The following KIF13B variants were observed in gnomAD, a reference collection of about 807,000 sequenced individuals.
KIF13B encodes kinesin family member 13B.
Under a neutral mutation model 222.0 loss-of-function variants are expected in KIF13B, and 127 were observed. That is an observed-to-expected ratio of 0.57 (90% CI 0.50 to 0.66). The LOEUF (loss-of-function observed/expected upper bound fraction) is 0.66. KIF13B is among the 30% of genes least tolerant of loss of function. The pLI is 0.00. For missense variants in KIF13B, 2,173 were observed against 2,379.0 expected, an observed-to-expected ratio of 0.91 and a Z score of 1.80; for synonymous variants, 976 against 919.0, an observed-to-expected ratio of 1.06 and a Z score of -1.12.
Position 29,107,849 on chromosome 8 carries a change from T to C in KIF13B, c.4215+290A>G, listed in dbSNP as rs191708480. On this transcript the variant is annotated intron_variant, in intron 35 of 39. Coordinates refer to ENST00000524189, the MANE Select transcript of KIF13B (RefSeq NM_015254.4). Reference sequence around the variant, plus strand: ...TGCTGGGATTACATACGTGAGCCACTGCGCCCAGCCTGAAGTTTCTTTTCT... The same window carrying C: ...TGCTGGGATTACATACGTGAGCCACCGCGCCCAGCCTGAAGTTTCTTTTCT... Among the ~76,000 whole-genome samples the C allele has an allele frequency of 2.2e-3, 339 of 152,324 alleles. 2 individuals are homozygous for C. Among genetic ancestry groups the C allele is most frequent in the Non-Finnish European group, 2.9e-3 (194 of 68,036 alleles).
At chr8:29,073,182 TCCCTGTGGGCCGTGG>T (rs1186787642) in intron 38 of KIF13B, among the ~76,000 whole-genome samples, 1 of 146,798 alleles carries the variant, frequency 6.8e-6, no homozygotes, top group Non-Finnish European at 1.5e-5. Flanking sequence ...GGACAAAGGC[TCCCTGTGGGCCGTGG>T]CCCTTTCTCT....
rs186397410 is a variant in KIF13B at position 29,148,908 on chromosome 8, C to T, written c.1623-141G>A. 1.4e-5 allele frequency: 9 copies of T among 624,256 alleles called. No individual in the cohort carries two copies. In the Admixed American group the frequency reaches 2.8e-4, roughly 19 times the overall value. 38.7% of individuals were successfully genotyped at this position (624,256 alleles called of 1,614,324 possible). On this transcript the variant is annotated intron_variant, in intron 15 of 39. Coordinates refer to ENST00000524189, the MANE Select transcript of KIF13B (RefSeq NM_015254.4). ...TTACTGTACTCAGGAAGTTGATAAT[C>T]TTGTCGTAGAAATAAGACACTCATG... is the stretch of plus-strand genomic sequence containing the variant.
intron 13 of KIF13B, among the ~76,000 whole-genome samples, chr8:29,156,772 C>T (rs905706323): frequency 2.0e-5 from 3 of 151,526 alleles, no homozygotes; most frequent in African/African-American, 7.3e-5. Flanking sequence ...CCTTCCACTT[C>T]ACCCTCCTGA....
intron 3 of KIF13B, among the ~76,000 whole-genome samples, chr8:29,192,554 T>C (rs1403608785): frequency 6.6e-6 from 1 of 152,314 alleles, no homozygotes; most frequent in African/African-American, 2.4e-5. Context: ...CCAGTCTAAA[T>C]TTGTTTTTGA....
In KIF13B at chr8:29,177,473, T is replaced by G; in HGVS notation, c.826A>C (p.Ile276Leu). 1 of 1,601,872 alleles carries G rather than the reference T, an allele frequency of 6.2e-7. No homozygotes were observed. Among genetic ancestry groups the G allele is most frequent in the East Asian group, 2.2e-5 (1 of 44,860 alleles). Residue 276 changes from isoleucine to leucine, a missense_variant, in exon 9 of 40, where the codon ATT (isoleucine) becomes CTT (leucine). Transcript: ENST00000524189. ...AGCTTTGAGAGCACTTACTTGTTAATGTTGCTCCCTTCCTTCAGCCTGTCC... is the reference window on the plus strand; with the variant it reads ...AGCTTTGAGAGCACTTACTTGTTAAGGTTGCTCCCTTCCTTCAGCCTGTCC... ...AGDRLKEGSN[I>L]NKSLTTLGLV...
At chr8:29,188,472 T>C (rs1373436227) in intron 5 of KIF13B, 43 bp downstream of exon 5, 1 of 1,200,044 alleles carries the variant, frequency 8.3e-7, no homozygotes, top group Non-Finnish European at 1.2e-6. Context: ...CTATTTTCTT[T>C]CATTGATGGT....
At chr8:29,257,716 A>G (rs946932151) in intron 1 of KIF13B, among the ~76,000 whole-genome samples, 4 of 152,240 alleles carry the variant, frequency 2.6e-5, no homozygotes, top group Non-Finnish European at 5.9e-5. Flanking sequence ...TGCAGCAGGA[A>G]TATCGCTAGA....
intron 14 of KIF13B, among the ~76,000 whole-genome samples, chr8:29,151,160 C>T (rs920213576): frequency 6.6e-6 from 1 of 152,152 alleles, no homozygotes; most frequent in Non-Finnish European, 1.5e-5. Flanking sequence ...GAAAATCAAC[C>T]CAGCCACAAT....
chr8:29,094,292 T>A (rs1808424664), intron 36 of KIF13B, among the ~76,000 whole-genome samples: 3 of 152,096 alleles, frequency 2.0e-5, no homozygotes, highest in Admixed American at 1.3e-4. Flanking sequence ...ACAGGAAAAG[T>A]AAGAATGAAC....
chr8:29,084,206 G>A (rs894531522), intron 37 of KIF13B, among the ~76,000 whole-genome samples: 8 of 152,104 alleles, frequency 5.3e-5, no homozygotes, highest in African/African-American at 1.7e-4. Context: ...GTGAGCCACC[G>A]CACCCGACCG....
At chr8:29,122,771 T>C (rs545943275) in intron 28 of KIF13B, 125 bp from the exon 29 acceptor site, 88 of 725,520 alleles carry the variant, frequency 1.2e-4, no homozygotes, top group South Asian at 1.0e-3. Context: ...CTGGCCCTGA[T>C]TTTACTCTAA....
At chr8:29,084,070 A>G (rs1301827220) in intron 37 of KIF13B, among the ~76,000 whole-genome samples, 1 of 152,014 alleles carries the variant, frequency 6.6e-6, no homozygotes, top group Non-Finnish European at 1.5e-5. Context: ...GCCCACCACC[A>G]CGCCCAGCTA....
rs983008837 is a variant in KIF13B at position 29,155,845 on chromosome 8, C to A, written c.1416G>T (p.Leu472Phe). Reference sequence around the variant, plus strand: ...TATCTTGGGAATTTGCTGACCCTATCAATGTATGTTCCTAAGAAAAAACCA... The same window carrying A: ...TATCTTGGGAATTTGCTGACCCTATAAATGTATGTTCCTAAGAAAAAACCA... ...LLVYYLKEHT[L>F]IGSANSQDIQ... Residue 472 changes from leucine to phenylalanine, a missense_variant, in exon 14 of 40, where the codon TTG (leucine) becomes TTT (phenylalanine). Physicochemically the swap from Leu to Phe is conservative, Grantham distance 22. Transcript: ENST00000524189. The A allele has an allele frequency of 1.9e-6, 3 of 1,575,722 alleles. No individual in the cohort carries two copies. Among genetic ancestry groups the A allele is most frequent in the Non-Finnish European group, 2.6e-6 (3 of 1,158,384 alleles).
chr8:29,082,039 CT>C (rs1251063441), intron 37 of KIF13B, among the ~76,000 whole-genome samples: 2 of 152,134 alleles, frequency 1.3e-5, no homozygotes, highest in African/African-American at 4.8e-5. Context: ...AACAAAGAAC[CT>C]AAGATTTCAT....
intron 34 of KIF13B, 36 bp downstream of exon 34, chr8:29,109,398 C>G (rs958319195): frequency 6.6e-7 from 1 of 1,514,120 alleles, no homozygotes; most frequent in African/African-American, 1.4e-5. Flanking sequence ...GAGAGAAGTC[C>G]CAGGCACAGC....
intron 29 of KIF13B, among the ~76,000 whole-genome samples, chr8:29,120,166 GTTTTTTTT>G (rs57731633): frequency 2.0e-5 from 2 of 102,378 alleles, no homozygotes; most frequent in African/African-American, 3.5e-5. Flanking sequence ...AAAAATGACA[GTTTTTTTT>G]TTTTTTTTTT....
Position 29,150,337 on chromosome 8 carries a change from G to T in KIF13B, c.1582C>A (p.His528Asn). 2 of 1,595,636 alleles carry T rather than the reference G, an allele frequency of 1.3e-6. No individual in the cohort carries two copies. The highest frequency in any genetic ancestry group is 2.2e-5 in the East Asian group (1 of 44,716). ...SSVSSPIQLH[H>N]GDRILWGNNH... is the part of the protein sequence containing the mutation. ...TTTCCCCATAATATCCTGTCCCCATGGTGTAGCTGTATTGGACTGGAGACA... is the reference window on the plus strand; with the variant it reads ...TTTCCCCATAATATCCTGTCCCCATTGTGTAGCTGTATTGGACTGGAGACA... Residue 528 changes from histidine (H) to asparagine (N), a missense_variant, in exon 15 of 40, where the codon CAT becomes AAT. Around this residue, in one of 2 missense-constraint regions of KIF13B, gnomAD observed 1,480 missense variants for 1,722.8 expected, o/e 0.86. Coordinates refer to ENST00000524189, the MANE Select transcript of KIF13B (RefSeq NM_015254.4).
intron 35 of KIF13B, among the ~76,000 whole-genome samples, chr8:29,099,663 T>C (rs113553831): frequency 7.9e-4 from 120 of 152,304 alleles, no homozygotes; most frequent in African/African-American, 2.7e-3. Flanking sequence ...TGAGCCACCA[T>C]GCCCGATCAG....
At position 29,209,218 on chromosome 8, in the gene KIF13B, G is replaced by A. The variant is rs541686696; in HGVS notation, c.150-13019C>T. ...GAAAACCAGATGAGAGGCACCACTG[G>A]GAGGTGAGAGTTTGGATAGAGAAGG... is the stretch of plus-strand genomic sequence containing the variant. On this transcript the variant is annotated intron_variant, in intron 2 of 39. Coordinates refer to ENST00000524189, the MANE Select transcript of KIF13B (RefSeq NM_015254.4). Among the ~76,000 whole-genome samples, 86 of 152,304 alleles carry A rather than the reference G, an allele frequency of 5.6e-4. 1 individual carries two copies. Among genetic ancestry groups the A allele is most frequent in the Admixed American group, 4.5e-3 (69 of 15,290 alleles).
Sources: gnomAD v4.1 joint callset for allele counts (sites outside exome capture counted in the v4.1 genomes callset) on GRCh38, gnomAD v4.1.1 for gene constraint, gnomAD v4.1.1 regional missense constraint, MANE v1.5 for transcripts, NCBI Gene and HGNC (gene_info 2026-07-23, HGNC 2026-07-21) for gene names.